Variants in RIMS1 observed in about 807,000 individuals in gnomAD.
RIMS1 encodes the protein regulating synaptic membrane exocytosis protein 1.
In RIMS1, 83 loss-of-function variants were observed where a neutral mutation model predicts 214.1. The observed-to-expected ratio is 0.39, with a 90% CI of 0.32 to 0.47. The LOEUF (loss-of-function observed/expected upper bound fraction) is 0.47, where lower values mean the gene tolerates loss of function less well. Ranked by LOEUF, RIMS1 falls within the 20% of genes least tolerant of loss-of-function variation. RIMS1 has a pLI of 0.99. For synonymous variants in RIMS1, 793 were observed against 786.8 expected, an observed-to-expected ratio of 1.01 and a Z score of -0.13; for missense variants, 2,050 against 2,161.8, an observed-to-expected ratio of 0.95 and a Z score of 1.03.
chr6:72,222,638 A>G (rs1474717314), intron 6 of RIMS1, among the ~76,000 whole-genome samples: 1 of 152,082 alleles, frequency 6.6e-6, no homozygotes, highest in Non-Finnish European at 1.5e-5. Context: ...ATATTTGCCA[A>G]CCAGCTTATT....
chr6:72,251,328 G>T lies in RIMS1; in HGVS notation c.2658G>T (p.Arg886Ser). The T allele has an allele frequency of 6.2e-7, 1 of 1,600,130 alleles. No homozygotes were observed. The highest frequency in any genetic ancestry group is 8.5e-7 in the Non-Finnish European group (1 of 1,173,122). ...CTCAGCCATCACCTTTCATGCCAAG[G>T]CGACATATTCATGGAGAAAGCTCTA... ...PLPQPSPFMP[R>S]RHIHGESSSK... The change falls in exon 15 of 34, where the codon AGG becomes AGT. Residue 886 changes from arginine to serine, a missense_variant. Arg to Ser is a moderately radical substitution (Grantham distance 110). This residue lies in a region of RIMS1 where 889 missense variants were observed against 885.5 expected (regional missense o/e 1.00). Transcript: ENST00000521978.
At chr6:72,351,066 A>G (rs1043106912) in intron 29 of RIMS1, among the ~76,000 whole-genome samples, 2 of 152,270 alleles carry the variant, frequency 1.3e-5, no homozygotes, top group Non-Finnish European at 1.5e-5. Flanking sequence ...TTAAAGGAGC[A>G]TAAACATTTC....
At chr6:72,209,411 ATATAT>A in intron 6 of RIMS1, among the ~76,000 whole-genome samples, 1 of 152,322 alleles carries the variant, frequency 6.6e-6, no homozygotes, top group East Asian at 1.9e-4. Context: ...ATTGAACTAA[ATATAT>A]TAATTTCCCA....
chr6:71,931,602 T>C (rs1000974365), intron 1 of RIMS1, among the ~76,000 whole-genome samples: 1 of 152,030 alleles, frequency 6.6e-6, no homozygotes, highest in Admixed American at 6.6e-5. Context: ...TTCTTTTTTT[T>C]TTCTTGTAAA....
chr6:72,283,551 G>A (rs1332579091), intron 23 of RIMS1, among the ~76,000 whole-genome samples: 2 of 151,772 alleles, frequency 1.3e-5, no homozygotes, highest in African/African-American at 2.4e-5. Context: ...TTTAACTGTA[G>A]CATTTTTCTT....
intron 1 of RIMS1, among the ~76,000 whole-genome samples, chr6:71,947,120 TAAAAAAGA>T (rs951222500): frequency 2.6e-5 from 4 of 151,830 alleles, no homozygotes; most frequent in Non-Finnish European, 4.4e-5. Flanking sequence ...ATGGCTAATA[TAAAAAAGA>T]TGAATGGTAA....
chr6:72,233,932 C>A, intron 7 of RIMS1, 92 bp downstream of exon 7: 1 of 818,292 alleles, frequency 1.2e-6, no homozygotes, highest in Non-Finnish European at 2.0e-6. Context: ...CTCTATTATT[C>A]ATTTGGTAAG....
intron 6 of RIMS1, among the ~76,000 whole-genome samples, chr6:72,193,625 C>A (rs1051714284): frequency 6.6e-6 from 1 of 152,150 alleles, no homozygotes; most frequent in Non-Finnish European, 1.5e-5. Flanking sequence ...TCTCCAGCAC[C>A]TTGTGACACT....
intron 22 of RIMS1, among the ~76,000 whole-genome samples, chr6:72,266,932 G>C (rs914210657): frequency 6.6e-6 from 1 of 151,972 alleles, no homozygotes; most frequent in African/African-American, 2.4e-5. Flanking sequence ...CTCCTTCTTA[G>C]TAGGCTACTT....
intron 2 of RIMS1, among the ~76,000 whole-genome samples, chr6:72,012,663 C>T (rs1486153278): frequency 1.3e-5 from 2 of 151,992 alleles, no homozygotes; most frequent in Non-Finnish European, 2.9e-5. Flanking sequence ...GGGAATGATG[C>T]CACAAGGTAA....
intron 4 of RIMS1, among the ~76,000 whole-genome samples, chr6:72,139,434 G>A (rs1562406639): frequency 6.6e-6 from 1 of 152,090 alleles, no homozygotes; most frequent in South Asian, 2.1e-4. Context: ...TTCTTAAAAA[G>A]CACTGCCCAC....
chr6:72,054,031 G>A (rs1825432093), intron 2 of RIMS1, among the ~76,000 whole-genome samples: 2 of 151,912 alleles, frequency 1.3e-5, no homozygotes, highest in African/African-American at 4.8e-5. Context: ...GAGGTTTTAA[G>A]CCCTGCATGC....
At chr6:72,333,934 G>T in intron 29 of RIMS1, 99 bp downstream of exon 29, 1 of 869,170 alleles carries the variant, frequency 1.2e-6, no homozygotes, top group Non-Finnish European at 1.8e-6. Context: ...GGCATATTTG[G>T]TTCTTCTTTG....
chr6:72,018,856 T>A (rs1813631259), intron 2 of RIMS1, among the ~76,000 whole-genome samples: 1 of 152,186 alleles, frequency 6.6e-6, no homozygotes, highest in Admixed American at 6.5e-5. Context: ...AATTTATAAT[T>A]TCAAGGAATT....
chr6:71,995,172 A>G (rs1328059145), intron 2 of RIMS1, among the ~76,000 whole-genome samples: 1 of 152,134 alleles, frequency 6.6e-6, no homozygotes, highest in Non-Finnish European at 1.5e-5. Context: ...ATTATTTATA[A>G]AAAACAGAGA....
chr6:71,942,117 C>T (rs1009964459), intron 1 of RIMS1, among the ~76,000 whole-genome samples: 1 of 152,130 alleles, frequency 6.6e-6, no homozygotes, highest in Non-Finnish European at 1.5e-5. Flanking sequence ...AGACTGAGAG[C>T]ACTTTCTTTT....
At chr6:71,978,610 T>C (rs1210801977) in intron 2 of RIMS1, among the ~76,000 whole-genome samples, 3 of 152,088 alleles carry the variant, frequency 2.0e-5, no homozygotes, top group Non-Finnish European at 4.4e-5. Context: ...ATGCAAAGGA[T>C]CTTTTAGTCA....
At chr6:72,139,610 T>G (rs997842655) in intron 4 of RIMS1, among the ~76,000 whole-genome samples, 3 of 152,182 alleles carry the variant, frequency 2.0e-5, no homozygotes, top group Non-Finnish European at 2.9e-5. Context: ...TGGCACATAA[T>G]AGACACTAAA....
intron 2 of RIMS1, among the ~76,000 whole-genome samples, chr6:72,080,891 GCAT>G (rs1833217437): frequency 6.6e-6 from 1 of 152,096 alleles, no homozygotes; most frequent in Non-Finnish European, 1.5e-5. Context: ...ACATTACTTA[GCAT>G]TCAAAGTCCT....
Sources: allele counts gnomAD v4.1 joint callset (sites outside exome capture counted in the v4.1 genomes callset), GRCh38; gene constraint gnomAD v4.1.1; regional missense constraint gnomAD v4.1.1; transcripts MANE v1.5; gene names NCBI Gene and HGNC (gene_info 2026-07-23, HGNC 2026-07-21).